SNTG2: variants seen among roughly 807,000 people sequenced by gnomAD.
SNTG2 encodes the protein gamma-2-syntrophin.
Under a neutral mutation model 70.9 loss-of-function variants are expected in SNTG2, and 74 were observed. That is an observed-to-expected ratio of 1.04 (90% CI 0.86 to 1.27). The LOEUF is 1.27. SNTG2 is among the 50% of genes most tolerant of loss of function. The pLI is 0.00. For missense variants in SNTG2, 717 were observed against 690.7 expected, an observed-to-expected ratio of 1.04 and a Z score of -0.43; for synonymous variants, 278 against 273.8, an observed-to-expected ratio of 1.02 and a Z score of -0.15.
intron 14 of SNTG2, among the ~76,000 whole-genome samples, chr2:1,287,329 T>A (rs570203184): frequency 6.6e-6 from 1 of 152,348 alleles, no homozygotes; most frequent in East Asian, 1.9e-4. Context: ...CCTCTGTGGA[T>A]GCAGCGGGTG....
rs911805700 is a variant in SNTG2 at position 1,007,308 on chromosome 2, A to T, written c.72+56240A>T. On this transcript the variant is annotated intron_variant, in intron 1 of 16. Coordinates refer to ENST00000308624, the MANE Select transcript of SNTG2 (RefSeq NM_018968.4). ...GACCCACACGATCCTAGGCCATCATAAATCACGTCTCTAAACTTGTTACCT... is the reference window on the plus strand; with the variant it reads ...GACCCACACGATCCTAGGCCATCATTAATCACGTCTCTAAACTTGTTACCT... 3.3e-5 allele frequency among the ~76,000 whole-genome samples: 5 copies of T among 152,298 alleles called. No homozygotes were observed. In the East Asian group the frequency reaches 9.7e-4, roughly 30 times the overall value.
chr2:1,087,472 C>T (rs1270825319), intron 2 of SNTG2, among the ~76,000 whole-genome samples: 1 of 152,194 alleles, frequency 6.6e-6, no homozygotes, highest in African/African-American at 2.4e-5. Context: ...TGGCCACACT[C>T]TGCTGATGCT....
chr2:957,505 A>G (rs1660205873), intron 1 of SNTG2, among the ~76,000 whole-genome samples: 1 of 152,144 alleles, frequency 6.6e-6, no homozygotes, highest in African/African-American at 2.4e-5. Flanking sequence ...TTGAGTACCT[A>G]TTAATTGCCA....
At chr2:1,279,660 C>T (rs532003910) in intron 14 of SNTG2, among the ~76,000 whole-genome samples, 3 of 152,276 alleles carry the variant, frequency 2.0e-5, no homozygotes, top group South Asian at 2.1e-4. Flanking sequence ...TGATGTGCTG[C>T]GTGCTTTTTG....
At chr2:952,386 T>C (rs1045765070) in intron 1 of SNTG2, among the ~76,000 whole-genome samples, 1 of 152,240 alleles carries the variant, frequency 6.6e-6, no homozygotes. Context: ...CTTTTAATCA[T>C]TGTAATTATA....
chr2:1,113,601 T>G (rs1666684622), intron 4 of SNTG2, among the ~76,000 whole-genome samples: 1 of 151,890 alleles, frequency 6.6e-6, no homozygotes, highest in South Asian at 2.1e-4. Flanking sequence ...TTACAGTACT[T>G]TGAGGAGGAT....
intron 9 of SNTG2, among the ~76,000 whole-genome samples, chr2:1,214,541 A>G (rs1346184872): frequency 6.6e-6 from 1 of 152,004 alleles, no homozygotes; most frequent in African/African-American, 2.4e-5. Context: ...TCTTTTTTGT[A>G]TAGTTCATTG....
intron 7 of SNTG2, among the ~76,000 whole-genome samples, chr2:1,169,272 A>C (rs1008757180): frequency 2.6e-5 from 4 of 152,030 alleles, no homozygotes; most frequent in African/African-American, 9.7e-5. Flanking sequence ...GACAGAAAGC[A>C]GGGGGTGCTT....
At chr2:1,046,821 A>G (rs542386014) in intron 1 of SNTG2, among the ~76,000 whole-genome samples, 19 of 152,194 alleles carry the variant, frequency 1.2e-4, no homozygotes, top group African/African-American at 4.1e-4. Flanking sequence ...GGAGAATCTG[A>G]TGACTATATG....
intron 6 of SNTG2, chr2:1,163,381 G>A (rs185773362): frequency 6.7e-6 from 1 of 150,250 alleles, no homozygotes; most frequent in Admixed American, 6.6e-5. Context: ...GGAAGTGAGT[G>A]TGTGAAGCAT....
chr2:1,350,113 C>G (rs1413836772), intron 16 of SNTG2, among the ~76,000 whole-genome samples: 1 of 152,116 alleles, frequency 6.6e-6, no homozygotes, highest in Non-Finnish European at 1.5e-5. Flanking sequence ...GCCTTGCTAT[C>G]ACCCCCCCAG....
chr2:1,256,245 C>T (rs936380223), intron 12 of SNTG2, among the ~76,000 whole-genome samples: 3 of 151,930 alleles, frequency 2.0e-5, no homozygotes, highest in Non-Finnish European at 4.4e-5. Context: ...ATGGGGCCAC[C>T]GTGGTCTGTG....
At chr2:960,489 T>C (rs1558279471) in intron 1 of SNTG2, among the ~76,000 whole-genome samples, 1 of 152,372 alleles carries the variant, frequency 6.6e-6, no homozygotes, top group South Asian at 2.1e-4. Flanking sequence ...AGGGTTCAGC[T>C]GGATGCAGAC....
intron 1 of SNTG2, among the ~76,000 whole-genome samples, chr2:1,023,386 G>A (rs1312088879): frequency 2.6e-5 from 4 of 152,092 alleles, no homozygotes; most frequent in African/African-American, 9.7e-5. Context: ...TTGATGCTGT[G>A]TTGGAGGCTG....
intron 1 of SNTG2, among the ~76,000 whole-genome samples, chr2:985,869 A>G (rs1661295789): frequency 6.6e-6 from 1 of 152,136 alleles, no homozygotes; most frequent in South Asian, 2.1e-4. Context: ...ATTAATATTG[A>G]GACAGCCAAG....
intron 7 of SNTG2, among the ~76,000 whole-genome samples, chr2:1,171,894 C>G (rs1359593612): frequency 6.6e-6 from 1 of 152,130 alleles, no homozygotes; most frequent in Non-Finnish European, 1.5e-5. Flanking sequence ...GGTCTTGAGC[C>G]TCCAAGCCAT....
intron 8 of SNTG2, among the ~76,000 whole-genome samples, chr2:1,188,630 A>G (rs1018937872): frequency 2.6e-5 from 4 of 151,108 alleles, no homozygotes; most frequent in Non-Finnish European, 5.9e-5. Flanking sequence ...ATAATTTTCA[A>G]TTTGCCTGAA....
intron 6 of SNTG2, among the ~76,000 whole-genome samples, chr2:1,140,539 A>T (rs1668677869): frequency 6.6e-6 from 1 of 152,136 alleles, no homozygotes; most frequent in African/African-American, 2.4e-5. Flanking sequence ...CTGTGATGGG[A>T]CCACTGATCC....
chr2:1,069,732 A>C (rs1663399966), intron 1 of SNTG2, among the ~76,000 whole-genome samples: 1 of 152,108 alleles, frequency 6.6e-6, no homozygotes, highest in African/African-American at 2.4e-5. Flanking sequence ...CAGAGGTTGC[A>C]GTGAGCCGAG....
Sources: gnomAD v4.1 joint callset for allele counts (sites outside exome capture counted in the v4.1 genomes callset) on GRCh38, gnomAD v4.1.1 for gene constraint, MANE v1.5 for transcripts, NCBI Gene and HGNC (gene_info 2026-07-23, HGNC 2026-07-21) for gene names.